Variants in EIF4ENIF1 observed in about 807,000 individuals in gnomAD.
The protein encoded by EIF4ENIF1 is eukaryotic translation initiation factor 4E nuclear import factor 1.
EIF4ENIF1 carries 23 observed loss-of-function variants against 110.5 expected under a neutral mutation model. That is an observed-to-expected ratio of 0.21 (90% CI 0.15 to 0.29). The LOEUF is 0.29. Ranked by LOEUF, EIF4ENIF1 falls within the 10% of genes least tolerant of loss-of-function variation. The pLI is 1.00. For synonymous variants in EIF4ENIF1, 440 were observed against 437.0 expected, an observed-to-expected ratio of 1.01 and a Z score of -0.09; for missense variants, 1,031 against 1,221.1, an observed-to-expected ratio of 0.84 and a Z score of 2.32.
At chr22:31,458,720 C>T in intron 6 of EIF4ENIF1, 70 bp from the exon 7 acceptor site, 1 of 1,394,608 alleles carries the variant, frequency 7.2e-7, no homozygotes, top group Non-Finnish European at 9.6e-7. Flanking sequence ...TGGCTTCAGC[C>T]ATCAGTATAC....
chr22:31,461,907 C>G (rs1418529101), intron 6 of EIF4ENIF1: 1 of 151,934 alleles, frequency 6.6e-6, no homozygotes, highest in African/African-American at 2.4e-5. Context: ...CCCTCTGAGC[C>G]TCCATTTGCT....
upstream of EIF4ENIF1, among the ~76,000 whole-genome samples, chr22:31,492,021 G>A (rs141278764): frequency 3.2e-4 from 48 of 152,322 alleles, no homozygotes; most frequent in East Asian, 6.7e-3. Context: ...GCAGCCCAAA[G>A]GCTGGGGCTG....
chr22:31,456,319 G>C (rs956260756), intron 7 of EIF4ENIF1, among the ~76,000 whole-genome samples: 1 of 151,250 alleles, frequency 6.6e-6, no homozygotes, highest in African/African-American at 2.4e-5. Context: ...CGCCTCCCGG[G>C]TTCACACCAT....
At chr22:31,440,655 AGACTCCC>A (rs750776473) in intron 18 of EIF4ENIF1, 42 bp downstream of exon 18, 19 of 1,572,070 alleles carry the variant, frequency 1.2e-5, no homozygotes, top group Non-Finnish European at 1.4e-5. Flanking sequence ...CAAAGCTTCA[AGACTCCC>A]TAAGTCCGTC....
rs950350824 is a variant in EIF4ENIF1, at chr22:31,439,787, A to G, written c.*93T>C. 2.0e-6 allele frequency: 3 copies of G among 1,532,744 alleles called. No individual in the cohort carries two copies. The highest frequency in any genetic ancestry group is 2.3e-5 in the East Asian group (1 of 44,302). The allele number at this position is 1,532,744 out of a possible 1,614,324, so 94.9% of individuals were successfully genotyped here. A position where few individuals can be genotyped will look rare whatever the true frequency, so the allele number is the denominator to read the frequency against. The stretch of plus-strand genomic sequence containing the variant: ...CAAACAGCTTCACACAGAGTGCTCC[A>G]AAGTAAAAGCCCATAAACCAACCCG... On this transcript the variant is annotated 3_prime_UTR_variant, in exon 19 of 19. Transcript: ENST00000330125.
intron 2 of EIF4ENIF1, among the ~76,000 whole-genome samples, chr22:31,487,519 T>A (rs1435376293): frequency 6.6e-6 from 1 of 152,090 alleles, no homozygotes; most frequent in Non-Finnish European, 1.5e-5. Context: ...GACTGAGGCC[T>A]GGCACAGTGG....
At chr22:31,467,755 G>A (rs1343015154) in intron 4 of EIF4ENIF1, among the ~76,000 whole-genome samples, 1 of 151,590 alleles carries the variant, frequency 6.6e-6, no homozygotes, top group East Asian at 1.9e-4. Flanking sequence ...CCAGGAGGCA[G>A]AGGTTGCAGA....
chr22:31,493,155 C>A (rs557199819), upstream of EIF4ENIF1, among the ~76,000 whole-genome samples: 2 of 148,886 alleles, frequency 1.3e-5, no homozygotes, highest in African/African-American at 2.5e-5. Flanking sequence ...CTCAGCCTCC[C>A]GAGTAGCTGG....
chr22:31,488,826 C>T, intron 1 of EIF4ENIF1, 81 bp from the exon 2 acceptor site: 3 of 1,459,148 alleles, frequency 2.1e-6, no homozygotes, highest in South Asian at 1.4e-5. Context: ...GAAGCTGAAA[C>T]TTTTTAATCT....
intron 2 of EIF4ENIF1, among the ~76,000 whole-genome samples, chr22:31,472,450 G>T (rs1164352337): frequency 6.6e-6 from 1 of 152,076 alleles, no homozygotes; most frequent in African/African-American, 2.4e-5. Flanking sequence ...TGTATTTTTA[G>T]TAGAGACGGG....
At chr22:31,472,815 G>A (rs2051429730) in intron 2 of EIF4ENIF1, among the ~76,000 whole-genome samples, 1 of 152,030 alleles carries the variant, frequency 6.6e-6, no homozygotes, top group East Asian at 1.9e-4. Flanking sequence ...TCCTTCCTAT[G>A]TTTTGGAGAC....
intron 1 of EIF4ENIF1, chr22:31,489,189 G>C (rs1374449352): frequency 6.4e-6 from 1 of 155,972 alleles, no homozygotes; most frequent in African/African-American, 2.4e-5. Context: ...CGGCGATCAG[G>C]GACTGGGGAC....
chr22:31,489,519 C>A (rs2052181676), intron 1 of EIF4ENIF1, 175 bp downstream of exon 1: 1 of 149,828 alleles, frequency 6.7e-6, no homozygotes, highest in Non-Finnish European at 1.5e-5. Context: ...GCCAGCCCGC[C>A]GGCTACCCGC....
rs544461748 is a variant in EIF4ENIF1 at position 31,454,540 on chromosome 22, A to T, written c.1280-164T>A. On this transcript the variant is annotated intron_variant, in intron 9 of 18. Coordinates refer to ENST00000330125, the MANE Select transcript of EIF4ENIF1 (RefSeq NM_019843.4). ...AATAAACTAATAACACTTAAAATCA[A>T]ATTGTGTACTAAGAGATGGCATAAA... is the stretch of plus-strand genomic sequence containing the variant. 1.3e-4 allele frequency: 85 copies of T among 633,770 alleles called. No homozygotes were observed. The African/African-American group carries it at 1.5e-3, about 11-fold the overall frequency. 39.3% of individuals were successfully genotyped at this position (633,770 alleles called of 1,614,324 possible). A position where few individuals can be genotyped will look rare whatever the true frequency, so the allele number is the denominator to read the frequency against.
At chr22:31,438,941 TG>T (rs2050214487), downstream of EIF4ENIF1, among the ~76,000 whole-genome samples, 1 of 152,136 alleles carries the variant, frequency 6.6e-6, no homozygotes, top group African/African-American at 2.4e-5. Flanking sequence ...AGGATGGTCT[TG>T]ATCTCTTGAC....
At chr22:31,459,557 T>C (rs1395626780) in intron 6 of EIF4ENIF1, among the ~76,000 whole-genome samples, 1 of 152,150 alleles carries the variant, frequency 6.6e-6, no homozygotes, top group Non-Finnish European at 1.5e-5. Flanking sequence ...ATGTCATCTC[T>C]GAGTACTTGT....
At chr22:31,465,376 C>A (rs2051151473) in intron 4 of EIF4ENIF1, among the ~76,000 whole-genome samples, 1 of 147,302 alleles carries the variant, frequency 6.8e-6, no homozygotes. Flanking sequence ...ATGGTTTGAA[C>A]AGACACTTCA....
At chr22:31,459,262 T>A (rs2180142) in intron 6 of EIF4ENIF1, among the ~76,000 whole-genome samples, 7,056 of 151,700 alleles carry the variant, frequency 0.047, 154 homozygotes, top group African/African-American at 0.056. Context: ...ATTTTTTTTT[T>A]AAAGGATAGT....
chr22:31,444,748 AC>A (rs1479283215), intron 14 of EIF4ENIF1, 58 bp from the exon 15 acceptor site: 7 of 1,502,814 alleles, frequency 4.7e-6, no homozygotes, highest in African/African-American at 2.7e-5. Context: ...AAGTCTTAAA[AC>A]CATATAATAC....
Sources: gnomAD v4.1 joint callset for allele counts (sites outside exome capture counted in the v4.1 genomes callset) on GRCh38, gnomAD v4.1.1 for gene constraint, MANE v1.5 for transcripts, NCBI Gene and HGNC (gene_info 2026-07-23, HGNC 2026-07-21) for gene names.